The following USP37 variants were observed in gnomAD, a reference collection of about 807,000 sequenced individuals.
USP37 encodes the protein ubiquitin specific peptidase 37.
USP37 carries 27 observed loss-of-function variants against 124.0 expected under a neutral mutation model. That is an observed-to-expected ratio of 0.22 (90% CI 0.16 to 0.30). The LOEUF is 0.30. Ranked by LOEUF, USP37 falls within the 10% of genes least tolerant of loss-of-function variation. The pLI is 1.00. For synonymous variants in USP37, 365 were observed against 388.0 expected (o/e 0.94, Z 0.70); for missense variants, 889 against 1,140.4 (o/e 0.78, Z 3.17).
intron 25 of USP37, 62 bp from the exon 26 acceptor site, chr2:218,455,079 C>T: frequency 6.3e-7 from 1 of 1,588,960 alleles, no homozygotes; most frequent in Admixed American, 1.8e-5. Context: ...AAAGAATAGG[C>T]AGGAGAAAAA....
chr2:218,468,566 C>T (rs1690498655), intron 20 of USP37, among the ~76,000 whole-genome samples: 2 of 152,126 alleles, frequency 1.3e-5, no homozygotes, highest in South Asian at 4.1e-4. Context: ...CTATATCAAA[C>T]ATTACTAAAG....
At chr2:218,493,470 CTTCT>C (rs144170013) in intron 14 of USP37, among the ~76,000 whole-genome samples, 1,944 of 152,054 alleles carry the variant, frequency 0.013, 47 homozygotes, top group African/African-American at 0.045. Context: ...CTGATATGGC[CTTCT>C]TTCTTTCTTT....
chr2:218,454,978 A>G lies in USP37; in HGVS notation c.2892T>C (p.Ser964=). Reference sequence around the variant, plus strand: ...TCCCCACTTCCGTGCTAAGTGACTGAGAGTTCTTTTCTGTTTCCAGCAGCT... The same window carrying G: ...TCCCCACTTCCGTGCTAAGTGACTGGGAGTTCTTTTCTGTTTCCAGCAGCT... ...FDELLETEKN[S]QSLSTEVGKT... The change falls in exon 26 of 26, where the codon TCT becomes TCC. Residue 964 remains serine, a synonymous_variant. Transcript: ENST00000258399. 1.2e-6 allele frequency: 2 copies of G among 1,614,106 alleles called. No individual in the cohort carries two copies. The highest frequency in any genetic ancestry group is 2.2e-5 in the South Asian group (2 of 91,082).
intron 16 of USP37, among the ~76,000 whole-genome samples, chr2:218,484,071 A>G (rs1430729503): frequency 1.3e-5 from 2 of 151,942 alleles, no homozygotes; most frequent in Non-Finnish European, 2.9e-5. Context: ...AGGCAGGAGA[A>G]TCGCTTGAAC....
At chr2:218,485,541 T>C in intron 16 of USP37, 123 bp downstream of exon 16, 2 of 1,118,912 alleles carry the variant, frequency 1.8e-6, no homozygotes, top group Non-Finnish European at 2.5e-6. Context: ...CAATCCATTC[T>C]GGTAACCTTC....
chr2:218,552,033 C>T (rs528573696), intron 5 of USP37, among the ~76,000 whole-genome samples: 2 of 152,232 alleles, frequency 1.3e-5, no homozygotes, highest in East Asian at 3.9e-4. Context: ...ACCTCGTGAT[C>T]CGCCCACCTC....
chr2:218,505,018 A>C (rs1689604622), intron 11 of USP37, among the ~76,000 whole-genome samples: 1 of 152,162 alleles, frequency 6.6e-6, no homozygotes, highest in Non-Finnish European at 1.5e-5. Context: ...TTTATCAGAA[A>C]AAAAAATTTG....
At chr2:218,482,748 ACTTTTCCCCATTTAGAAAAAAG>A (rs1166153306) in intron 16 of USP37, among the ~76,000 whole-genome samples, 1 of 152,190 alleles carries the variant, frequency 6.6e-6, no homozygotes, top group Non-Finnish European at 1.5e-5. Context: ...GAAATACAAA[ACTTTTCCCCATTTAGAAAAAAG>A]CTTTACAAAA....
chr2:218,468,687 T>C (rs191348588), intron 20 of USP37, among the ~76,000 whole-genome samples: 1 of 152,234 alleles, frequency 6.6e-6, no homozygotes, highest in African/African-American at 2.4e-5. Context: ...GCCCTAGTAC[T>C]GTATTTTATC....
intron 5 of USP37, 93 bp downstream of exon 5, chr2:218,553,460 A>C: frequency 1.7e-6 from 2 of 1,184,614 alleles, no homozygotes; most frequent in Non-Finnish European, 2.3e-6. Context: ...AATCCTTTTA[A>C]TGTGCTGATG....
chr2:218,513,179 C>T (rs1049504592), intron 10 of USP37, among the ~76,000 whole-genome samples: 5 of 151,976 alleles, frequency 3.3e-5, no homozygotes, highest in African/African-American at 1.2e-4. Flanking sequence ...TATAGGCGTG[C>T]ACCACCATGT....
chr2:218,497,912 T>C, intron 12 of USP37, 55 bp from the exon 13 acceptor site: 1 of 1,587,262 alleles, frequency 6.3e-7, no homozygotes, highest in African/African-American at 1.4e-5. Context: ...GGCGTGATAT[T>C]TTAAAGAATA....
At chr2:218,534,588 A>G in intron 9 of USP37, 21 bp downstream of exon 9, 2 of 1,485,904 alleles carry the variant, frequency 1.3e-6, no homozygotes, top group Non-Finnish European at 1.8e-6. Context: ...CACCTTATTT[A>G]TTGTAAGATC....
At chr2:218,462,115 C>T (rs1198171394) in intron 22 of USP37, among the ~76,000 whole-genome samples, 2 of 151,986 alleles carry the variant, frequency 1.3e-5, no homozygotes, top group Non-Finnish European at 2.9e-5. Flanking sequence ...CAAGATTGTG[C>T]CATTGCACTC....
At chr2:218,509,604 G>A (rs918110024) in intron 11 of USP37, among the ~76,000 whole-genome samples, 5 of 151,656 alleles carry the variant, frequency 3.3e-5, no homozygotes, top group Admixed American at 2.0e-4. Flanking sequence ...TTAAAAGATA[G>A]CTACTATAAT....
In USP37 at chr2:218,453,619, C is replaced by A. The variant is rs1267904045; in HGVS notation, c.*1311G>T. 6.6e-6 allele frequency: 1 copy of A among 152,204 alleles called. No individual in the cohort carries two copies. 9.4% of individuals were successfully genotyped at this position (152,204 alleles called of 1,614,324 possible). The stretch of plus-strand genomic sequence containing the variant: ...ATTCTTTATATGGTTTCATAAGCTG[C>A]TTAACCAAGCTGGTTACGTCAGCTA... On this transcript the variant is annotated 3_prime_UTR_variant, in exon 26 of 26. Coordinates refer to ENST00000258399, the MANE Select transcript of USP37 (RefSeq NM_020935.3).
intron 10 of USP37, among the ~76,000 whole-genome samples, chr2:218,516,526 A>G (rs942667284): frequency 5.4e-5 from 8 of 147,892 alleles, no homozygotes; most frequent in Non-Finnish European, 9.0e-5. Flanking sequence ...AACATCACAC[A>G]TGGGGGCCTG....
intron 10 of USP37, among the ~76,000 whole-genome samples, chr2:218,523,700 G>C (rs1207287881): frequency 3.3e-5 from 5 of 152,110 alleles, no homozygotes; most frequent in African/African-American, 1.2e-4. Context: ...TAATAGGTGT[G>C]AGCCACTGAA....
intron 11 of USP37, among the ~76,000 whole-genome samples, chr2:218,507,593 C>A (rs1689749535): frequency 6.6e-6 from 1 of 151,970 alleles, no homozygotes; most frequent in South Asian, 2.1e-4. Flanking sequence ...ATGGAAGTGG[C>A]CTGCTTTTTT....
Sources: allele counts gnomAD v4.1 joint callset (sites outside exome capture counted in the v4.1 genomes callset), GRCh38; gene constraint gnomAD v4.1.1; transcripts MANE v1.5; gene names NCBI Gene and HGNC (gene_info 2026-07-23, HGNC 2026-07-21).